The following N4BP2 variants were observed in gnomAD, a reference collection of about 807,000 sequenced individuals.
The protein encoded by N4BP2 is NEDD4-binding protein 2.
Under a neutral mutation model 152.8 loss-of-function variants are expected in N4BP2, and 91 were observed. The ratio of observed to expected loss-of-function variants is 0.60; its 90% CI spans 0.50 to 0.71. N4BP2 has a LOEUF of 0.71. Ranked by LOEUF, N4BP2 falls within the 30% of genes least tolerant of loss-of-function variation. N4BP2 has a pLI of 0.00. For synonymous variants in N4BP2, 646 were observed against 705.3 expected (o/e 0.92, Z 1.33); for missense variants, 1,923 against 2,059.1 (o/e 0.93, Z 1.28).
At chr4:40,092,831 A>G (rs1714741362) in intron 2 of N4BP2, among the ~76,000 whole-genome samples, 1 of 151,534 alleles carries the variant, frequency 6.6e-6, no homozygotes, top group African/African-American at 2.4e-5. Context: ...TTTAGTAGAG[A>G]CGGGGTTTCA....
At position 40,142,834 on chromosome 4, in the gene N4BP2, A is replaced by T; in HGVS notation, c.4947A>T (p.Lys1649Asn). The T allele has an allele frequency of 6.2e-7, 1 of 1,613,736 alleles. No homozygotes were observed. The highest frequency in any genetic ancestry group is 8.5e-7 in the Non-Finnish European group (1 of 1,179,932). Residue 1649 changes from lysine (K) to asparagine (N), a missense_variant, in exon 15 of 18, where the codon AAA becomes AAT. Transcript: ENST00000261435. ...AAGAAGCTTATCGGATAGGGAAAAA[A>T]AATGTCGCCACCTTTTATGCCCAGC... is the stretch of plus-strand genomic sequence containing the variant. ...KAKEAYRIGK[K>N]NVATFYAQQG...
chr4:40,162,176 G>A (rs998914784), downstream of N4BP2, among the ~76,000 whole-genome samples: 4 of 152,160 alleles, frequency 2.6e-5, no homozygotes, highest in African/African-American at 9.7e-5. Flanking sequence ...TCTGGGAAAT[G>A]TTCTTTTAAA....
intron 1 of N4BP2, among the ~76,000 whole-genome samples, chr4:40,068,033 T>C (rs1218651497): frequency 6.6e-6 from 1 of 152,184 alleles, no homozygotes; most frequent in Non-Finnish European, 1.5e-5. Flanking sequence ...TAAGGTGATA[T>C]CTATCTCATT....
the N4BP2 span, among the ~76,000 whole-genome samples, chr4:40,181,728 A>T: frequency 6.6e-6 from 1 of 152,210 alleles, no homozygotes; most frequent in Non-Finnish European, 1.5e-5. Flanking sequence ...CAGGCAGATC[A>T]CCTGAGGTCA....
the N4BP2 span, among the ~76,000 whole-genome samples, chr4:40,165,647 A>G: frequency 6.6e-6 from 1 of 152,206 alleles, no homozygotes; most frequent in Non-Finnish European, 1.5e-5. Context: ...CTGATATACT[A>G]TACATCTCTA....
At position 40,120,750 on chromosome 4, in the gene N4BP2, A is replaced by G. The variant is rs147197612; in HGVS notation, c.2639A>G (p.Asn880Ser). 105 of 1,614,056 alleles carry G rather than the reference A, an allele frequency of 6.5e-5. No individual in the cohort carries two copies. The African/African-American group carries it at 1.2e-3, about 18-fold the overall frequency. Residue 880 changes from asparagine to serine, a missense_variant, in exon 9 of 18, where the codon AAC becomes AGC. Coordinates refer to ENST00000261435, the MANE Select transcript of N4BP2 (RefSeq NM_018177.6). ...AYKNIDKNSF[N>S]IMGDWPSSDS... ...AAAAATATTGACAAAAACTCATTCA[A>G]CATTATGGGTGACTGGCCTTCATCT...
At chr4:40,105,102 A>G (rs1047387058) in intron 4 of N4BP2, among the ~76,000 whole-genome samples, 2 of 152,068 alleles carry the variant, frequency 1.3e-5, no homozygotes, top group East Asian at 1.9e-4. Flanking sequence ...ACGCCCAACA[A>G]TCCTGCGTTG....
chr4:40,140,797 G>A (rs1244133206), intron 14 of N4BP2, among the ~76,000 whole-genome samples: 3 of 151,724 alleles, frequency 2.0e-5, no homozygotes, highest in Non-Finnish European at 4.4e-5. Flanking sequence ...GACTCTTAAC[G>A]AGCATGCTGC....
Position 40,093,788 on chromosome 4 carries a change from CG to C in N4BP2, c.-114-3435del, listed in dbSNP as rs1177281156. ...TGGCTAATTTTTGTATTAGTAGAGA[CG>C]GGGTTTCACCATGTTGGCCAGGCTG... On this transcript the variant is annotated intron_variant, in intron 2 of 17. Coordinates refer to ENST00000261435, the MANE Select transcript of N4BP2 (RefSeq NM_018177.6). Among the ~76,000 whole-genome samples, 4 of 151,804 alleles carry C rather than the reference CG, an allele frequency of 2.6e-5. No individual in the cohort carries two copies. In the East Asian group the frequency reaches 7.7e-4, roughly 29 times the overall value.
chr4:40,168,790 T>C, the N4BP2 span, among the ~76,000 whole-genome samples: 2,877 of 152,008 alleles, frequency 0.019, 87 homozygotes, highest in African/African-American at 0.064. Context: ...AATGGTGCAG[T>C]CTTGGCTTAC....
the N4BP2 span, among the ~76,000 whole-genome samples, chr4:40,187,459 GAC>G: frequency 6.6e-6 from 1 of 151,968 alleles, no homozygotes; most frequent in African/African-American, 2.4e-5. Context: ...GTCACTATAT[GAC>G]ACAGTTATTT....
chr4:40,179,529 A>T, the N4BP2 span, among the ~76,000 whole-genome samples: 1 of 152,232 alleles, frequency 6.6e-6, no homozygotes, highest in South Asian at 2.1e-4. Flanking sequence ...AACAGCCATA[A>T]GAGGTGTAGA....
chr4:40,136,111 T>C (rs1399201778), intron 13 of N4BP2, among the ~76,000 whole-genome samples: 2 of 152,200 alleles, frequency 1.3e-5, no homozygotes, highest in African/African-American at 4.8e-5. Flanking sequence ...GGTAGGGTAG[T>C]GCTTAAGTTT....
intron 1 of N4BP2, among the ~76,000 whole-genome samples, chr4:40,063,695 G>A (rs1353401980): frequency 2.0e-5 from 3 of 152,046 alleles, no homozygotes; most frequent in Non-Finnish European, 4.4e-5. Flanking sequence ...CCAGGCTGGA[G>A]TGCAATGGTG....
chr4:40,138,017 A>G (rs1719564890), intron 14 of N4BP2, among the ~76,000 whole-genome samples: 1 of 152,180 alleles, frequency 6.6e-6, no homozygotes, highest in African/African-American at 2.4e-5. Flanking sequence ...GGAATTAGCT[A>G]AACCTGAGGG....
chr4:40,168,971 C>A, the N4BP2 span, among the ~76,000 whole-genome samples: 1 of 151,980 alleles, frequency 6.6e-6, no homozygotes, highest in African/African-American at 2.4e-5. Flanking sequence ...GGTGATCCGC[C>A]CACCTCTGCC....
chr4:40,126,386 GT>G, intron 12 of N4BP2, 56 bp downstream of exon 12: 1 of 817,424 alleles, frequency 1.2e-6, no homozygotes, highest in Non-Finnish European at 1.8e-6. Flanking sequence ...TATTGTGTAT[GT>G]TTACTTTGTG....
intron 2 of N4BP2, among the ~76,000 whole-genome samples, chr4:40,094,615 G>A (rs1277804831): frequency 6.6e-6 from 1 of 152,014 alleles, no homozygotes; most frequent in East Asian, 1.9e-4. Flanking sequence ...GAGTGCAATG[G>A]TGTGATCTCA....
chr4:40,171,204 A>C, the N4BP2 span, among the ~76,000 whole-genome samples: 1 of 152,220 alleles, frequency 6.6e-6, no homozygotes, highest in Non-Finnish European at 1.5e-5. Context: ...AAGTTCTTCC[A>C]ACGTGAAGTG....
Sources: gnomAD v4.1 joint callset for allele counts (sites outside exome capture counted in the v4.1 genomes callset) on GRCh38, gnomAD v4.1.1 for gene constraint, MANE v1.5 for transcripts, NCBI Gene and HGNC (gene_info 2026-07-23, HGNC 2026-07-21) for gene names.